The following CIMAP1B variants were observed in gnomAD, a reference collection of about 807,000 sequenced individuals.
The protein encoded by CIMAP1B is ciliary microtubule associated protein 1B.
chr22:50,532,039 G>C, the CIMAP1B span: 2 of 1,346,506 alleles, frequency 1.5e-6, no homozygotes, highest in Non-Finnish European at 1.9e-6. Context: ...CGCGGGGCCG[G>C]TGTGGCCGCC....
chr22:50,531,433 A>G, the CIMAP1B span: 1 of 1,075,822 alleles, frequency 9.3e-7, no homozygotes, highest in South Asian at 1.6e-5. Context: ...TTGGGATTTG[A>G]GATCCGGATA....
At chr22:50,531,229 G>T in the CIMAP1B span, 6 of 1,612,888 alleles carry the variant, frequency 3.7e-6, no homozygotes, top group Non-Finnish European at 5.1e-6. Flanking sequence ...CCAGTTTCGG[G>T]GAGCAATGGT....
the CIMAP1B span, chr22:50,531,412 G>A: frequency 9.2e-7 from 1 of 1,086,996 alleles, no homozygotes. Flanking sequence ...AAGCCCCGTG[G>A]GGTTCGGGGT....
chr22:50,532,226 C>A, the CIMAP1B span: 2 of 1,117,776 alleles, frequency 1.8e-6, no homozygotes, highest in Non-Finnish European at 2.3e-6. Flanking sequence ...GTATCCCTGG[C>A]GCCAGCAAAA....
the CIMAP1B span, chr22:50,530,821 C>G: frequency 2.5e-6 from 4 of 1,604,624 alleles, no homozygotes; most frequent in Non-Finnish European, 3.4e-6. Flanking sequence ...GACCCCTGGA[C>G]TCACGACCTG....
At chr22:50,531,025 C>A in the CIMAP1B span, 1 of 1,610,918 alleles carries the variant, frequency 6.2e-7, no homozygotes, top group South Asian at 1.1e-5. Context: ...GACGCGCGGA[C>A]CCAAGAGCGA....
the CIMAP1B span, chr22:50,530,959 C>G: frequency 6.2e-7 from 1 of 1,611,238 alleles, no homozygotes. Flanking sequence ...CTCGAAGAAA[C>G]TGCCAGCCGC....
At chr22:50,531,824 T>G in the CIMAP1B span, 4 of 1,340,104 alleles carry the variant, frequency 3.0e-6, no homozygotes, top group Non-Finnish European at 2.9e-6. Context: ...AAGCCCCATC[T>G]GCAACACGGA....
At chr22:50,531,547 G>A in the CIMAP1B span, 6 of 1,397,656 alleles carry the variant, frequency 4.3e-6, no homozygotes, top group Non-Finnish European at 5.6e-6. Context: ...CGTTGGGGTG[G>A]CCAGGGGCCC....
chr22:50,530,839 C>T, the CIMAP1B span: 7 of 1,604,394 alleles, frequency 4.4e-6, no homozygotes, highest in Non-Finnish European at 6.0e-6. Flanking sequence ...CTGATAGGCG[C>T]AGGGGCCCGG....
chr22:50,531,610 G>A, the CIMAP1B span: 1 of 1,407,080 alleles, frequency 7.1e-7, no homozygotes, highest in Admixed American at 3.5e-5. Flanking sequence ...GGCGTGGGCG[G>A]CCGTAGATGG....
chr22:50,531,333 C>T, the CIMAP1B span: 2 of 1,505,234 alleles, frequency 1.3e-6, no homozygotes, highest in East Asian at 2.3e-5. Flanking sequence ...GCTAGAACTG[C>T]GTGGGAGCCT....
chr22:50,531,382 G>A, the CIMAP1B span: 1 of 1,194,430 alleles, frequency 8.4e-7, no homozygotes, highest in Non-Finnish European at 1.2e-6. Context: ...CTAGTGGGGA[G>A]TCTGAGCCAC....
chr22:50,530,477 G>A, the CIMAP1B span: 1 of 1,594,000 alleles, frequency 6.3e-7, no homozygotes, highest in Non-Finnish European at 8.5e-7. Context: ...CCCGCCTGGC[G>A]GGTCAGTTGT....
the CIMAP1B span, chr22:50,532,088 G>C: frequency 7.1e-4 from 970 of 1,365,422 alleles, 10 homozygotes; most frequent in African/African-American, 0.014. Flanking sequence ...AGCGCGGGTG[G>C]GGGGCGCTTA....
chr22:50,532,447 G>C, the CIMAP1B span: 1 of 196,558 alleles, frequency 5.1e-6, no homozygotes, highest in Admixed American at 6.1e-5. Flanking sequence ...GGGCCTGCGT[G>C]GGGGACCCGG....
At chr22:50,530,634 G>T in the CIMAP1B span, 1 of 1,576,662 alleles carries the variant, frequency 6.3e-7, no homozygotes, top group Admixed American at 1.8e-5. Context: ...GACCCCCGGG[G>T]ACTCTGATCC....
At chr22:50,530,793 G>C in the CIMAP1B span, 18 of 1,606,442 alleles carry the variant, frequency 1.1e-5, no homozygotes, top group Non-Finnish European at 3.4e-6. Context: ...TCGTGAACTG[G>C]GGGGCCCGGG....
At chr22:50,530,564 C>T in the CIMAP1B span, 7 of 1,585,014 alleles carry the variant, frequency 4.4e-6, no homozygotes, top group Non-Finnish European at 1.7e-6. Context: ...TCCGGTGCTG[C>T]GGGCCCGGAG....
Sources: gnomAD v4.1 joint callset for allele counts on GRCh38, gnomAD v4.1.1 for gene constraint, MANE v1.5 for transcripts, NCBI Gene and HGNC (gene_info 2026-07-23, HGNC 2026-07-21) for gene names.